The following MITF variants were observed in gnomAD, a reference collection of about 807,000 sequenced individuals.
MITF encodes microphthalmia-associated transcription factor.
MITF carries 17 observed loss-of-function variants against 60.5 expected under a neutral mutation model. The observed-to-expected ratio is 0.28, with a 90% CI of 0.19 to 0.42. The LOEUF (loss-of-function observed/expected upper bound fraction) is 0.42, where lower values mean the gene tolerates loss of function less well. Ranked by LOEUF, MITF falls within the 10% of genes least tolerant of loss-of-function variation. The pLI is 1.00. For missense variants in MITF, 622 were observed against 683.5 expected (o/e 0.91, Z 1.00); for synonymous variants, 260 against 248.5 (o/e 1.05, Z -0.43).
chr3:69,953,662 TAGAGAGAGAG>T (rs776961961), intron 7 of MITF, among the ~76,000 whole-genome samples: 15 of 136,562 alleles, frequency 1.1e-4, no homozygotes, highest in African/African-American at 1.9e-4. Flanking sequence ...TATATATATA[TAGAGAGAGAG>T]AGAGAGAGAG....
At chr3:69,819,797 A>C (rs2063238753) in intron 1 of MITF, among the ~76,000 whole-genome samples, 1 of 152,094 alleles carries the variant, frequency 6.6e-6, no homozygotes, top group African/African-American at 2.4e-5. Context: ...CCTCGTCTCT[A>C]CTAAAAAAAA....
intron 2 of MITF, among the ~76,000 whole-genome samples, chr3:69,889,274 T>C (rs1298963991): frequency 6.6e-6 from 1 of 151,818 alleles, no homozygotes; most frequent in East Asian, 1.9e-4. Context: ...AATCTACGAT[T>C]AGGCTGTCTT....
chr3:69,759,512 A>G (rs1336467248), intron 1 of MITF, among the ~76,000 whole-genome samples: 1 of 152,214 alleles, frequency 6.6e-6, no homozygotes, highest in Non-Finnish European at 1.5e-5. Flanking sequence ...TGTTCTGTGC[A>G]CGTGATTGAC....
intron 1 of MITF, among the ~76,000 whole-genome samples, chr3:69,872,423 CTAGT>C (rs1337680574): frequency 6.6e-6 from 1 of 151,982 alleles, no homozygotes. Flanking sequence ...ATCCTTCTTC[CTAGT>C]TAATTTCTTT....
intron 1 of MITF, among the ~76,000 whole-genome samples, chr3:69,771,758 A>G (rs1429492139): frequency 6.6e-6 from 1 of 152,196 alleles, no homozygotes; most frequent in Non-Finnish European, 1.5e-5. Flanking sequence ...CAGAACTTGA[A>G]TCATCCCAAA....
intron 1 of MITF, among the ~76,000 whole-genome samples, chr3:69,865,532 T>A (rs1433837954): frequency 6.6e-6 from 1 of 152,206 alleles, no homozygotes; most frequent in Non-Finnish European, 1.5e-5. Context: ...TGTATACCAA[T>A]GTGTTCAGAA....
intron 2 of MITF, among the ~76,000 whole-genome samples, chr3:69,889,025 GTTTTTTTT>G (rs4057977): frequency 5.1e-5 from 3 of 58,806 alleles, no homozygotes; most frequent in South Asian, 9.1e-4. Flanking sequence ...ATAGCCTTTG[GTTTTTTTT>G]TTTTTTTTTT....
intron 1 of MITF, among the ~76,000 whole-genome samples, chr3:69,809,715 A>G (rs1207038893): frequency 6.6e-6 from 1 of 152,036 alleles, no homozygotes; most frequent in Non-Finnish European, 1.5e-5. Context: ...ATGTTAGCCA[A>G]GTAATGAGAT....
rs78240629 is a variant in MITF at position 69,967,418 on chromosome 3, A to G, written c.*2170A>G. On this transcript the variant is annotated 3_prime_UTR_variant, in exon 10 of 10. Coordinates refer to ENST00000352241, the MANE Select transcript of MITF (RefSeq NM_001354604.2). ...ATTTATATGGGGGGGAGGGCGCTGG[A>G]TGCAAAAGTTGAAGATCGTGATGCT... 6.8e-3 allele frequency: 1,576 copies of G among 233,262 alleles called. 21 individuals carry two copies. The highest frequency in any genetic ancestry group is 0.032 in the African/African-American group (1,463 of 45,378). 14.4% of individuals were successfully genotyped at this position (233,262 alleles called of 1,614,324 possible).
chr3:69,958,488 C>T (rs2066455642), intron 8 of MITF, among the ~76,000 whole-genome samples: 1 of 151,928 alleles, frequency 6.6e-6, no homozygotes, highest in Non-Finnish European at 1.5e-5. Flanking sequence ...TTTAATGACC[C>T]TCCATTCACC....
intron 1 of MITF, among the ~76,000 whole-genome samples, chr3:69,862,582 T>C (rs1221866546): frequency 6.6e-6 from 1 of 152,244 alleles, no homozygotes; most frequent in African/African-American, 2.4e-5. Context: ...GCATTACTTT[T>C]CTTCAGCTAA....
chr3:69,807,803 A>G (rs2063033652), intron 1 of MITF, among the ~76,000 whole-genome samples: 1 of 152,184 alleles, frequency 6.6e-6, no homozygotes, highest in African/African-American at 2.4e-5. Context: ...CAGCTTCTCT[A>G]GACTTGATCT....
chr3:69,803,755 T>A (rs186202797), intron 1 of MITF, among the ~76,000 whole-genome samples: 6 of 151,738 alleles, frequency 4.0e-5, no homozygotes, highest in African/African-American at 1.2e-4. Flanking sequence ...AATTTCCTCC[T>A]AGGAAAAAAC....
At chr3:69,866,830 CT>C (rs35550619) in intron 1 of MITF, among the ~76,000 whole-genome samples, 2,404 of 139,414 alleles carry the variant, frequency 0.017, 49 homozygotes, top group African/African-American at 0.053. Flanking sequence ...CTCCCCCCAC[CT>C]TTTTTTTTTT....
chr3:69,936,837 GA>G, intron 2 of MITF: 1 of 1,292,968 alleles, frequency 7.7e-7, no homozygotes. Flanking sequence ...TATTGTAATA[GA>G]CATACTGTTT....
chr3:69,769,354 A>G (rs1243895110), intron 1 of MITF: 2 of 152,170 alleles, frequency 1.3e-5, no homozygotes, highest in East Asian at 3.8e-4. Context: ...ATCTTACTCA[A>G]CTATTTTTCC....
At chr3:69,859,525 A>G (rs1193884357) in intron 1 of MITF, among the ~76,000 whole-genome samples, 1 of 152,136 alleles carries the variant, frequency 6.6e-6, no homozygotes, top group Non-Finnish European at 1.5e-5. Flanking sequence ...TCCTAATGAG[A>G]TGGAATCAAG....
intron 1 of MITF, among the ~76,000 whole-genome samples, chr3:69,846,816 C>CA (rs375853591): frequency 0.15 from 15,413 of 100,002 alleles, 1,093 homozygotes; most frequent in South Asian, 0.19. Flanking sequence ...GACTCTTTCT[C>CA]AAAAAAAAAA....
chr3:69,768,792 T>C (rs1360986703), intron 1 of MITF, among the ~76,000 whole-genome samples: 1 of 152,232 alleles, frequency 6.6e-6, no homozygotes, highest in Non-Finnish European at 1.5e-5. Context: ...TTTATAATAA[T>C]GTGGAGTCAA....
Sources: allele counts gnomAD v4.1 joint callset (sites outside exome capture counted in the v4.1 genomes callset), GRCh38; gene constraint gnomAD v4.1.1; transcripts MANE v1.5; gene names NCBI Gene and HGNC (gene_info 2026-07-23, HGNC 2026-07-21).